RBFOX1: variants seen among roughly 807,000 people sequenced by gnomAD.
The protein encoded by RBFOX1 is RNA binding fox-1 homolog 1.
Under a neutral mutation model 57.7 loss-of-function variants are expected in RBFOX1, and 8 were observed. The ratio of observed to expected loss-of-function variants is 0.14; its 90% CI spans 0.08 to 0.25. The LOEUF is 0.25. Among genes scored for constraint, RBFOX1 ranks in the 10% least tolerant of loss-of-function variants. RBFOX1 has a pLI of 1.00. For missense variants in RBFOX1, 611 were observed against 548.5 expected, an observed-to-expected ratio of 1.11 and a Z score of -1.14; for synonymous variants, 326 against 222.4, an observed-to-expected ratio of 1.47 and a Z score of -4.15.
chr16:5,547,729 A>T (rs2045272681), intron 2 of RBFOX1, among the ~76,000 whole-genome samples: 2 of 152,204 alleles, frequency 1.3e-5, no homozygotes, highest in African/African-American at 4.8e-5. Context: ...AAAGCACAAA[A>T]ATCATGTCCT....
At chr16:7,538,169 C>G (rs1353362499) in intron 5 of RBFOX1, among the ~76,000 whole-genome samples, 1 of 152,088 alleles carries the variant, frequency 6.6e-6, no homozygotes, top group Non-Finnish European at 1.5e-5. Context: ...CGAGGACCTG[C>G]CAGAAGATCT....
intron 14 of RBFOX1, among the ~76,000 whole-genome samples, chr16:7,679,999 A>C (rs1408719945): frequency 1.3e-5 from 2 of 152,166 alleles, no homozygotes; most frequent in African/African-American, 4.8e-5. Flanking sequence ...ATTTATGCAA[A>C]GCCAACTGTC....
At chr16:7,400,032 C>A (rs2098214588) in intron 4 of RBFOX1, among the ~76,000 whole-genome samples, 1 of 152,076 alleles carries the variant, frequency 6.6e-6, no homozygotes, top group South Asian at 2.1e-4. Context: ...GGGATTATGG[C>A]CTTCTCTGAT....
intron 4 of RBFOX1, among the ~76,000 whole-genome samples, chr16:5,937,431 C>T (rs569908914): frequency 1.3e-5 from 2 of 152,066 alleles, no homozygotes; most frequent in South Asian, 4.1e-4. Flanking sequence ...TAGTGACACA[C>T]GTTTATTTCT....
rs527713495 is a variant in RBFOX1, at chr16:7,613,543, G to A, written c.676+6205G>A. Among the ~76,000 whole-genome samples the A allele has an allele frequency of 2.0e-5, 3 of 152,118 alleles. No homozygotes were observed. The East Asian group carries it at 5.8e-4, about 29-fold the overall frequency. On this transcript the variant is annotated intron_variant, in intron 10 of 15. Transcript: ENST00000550418. ...AAGTGGATTTGGATCTCAGTATGAA[G>A]TTTAAAAATGAAGAGGGTGGTTATA...
intron 2 of RBFOX1, among the ~76,000 whole-genome samples, chr16:6,588,922 A>G (rs55956846): frequency 3.9e-5 from 6 of 152,146 alleles, no homozygotes; most frequent in South Asian, 4.2e-4. Context: ...GTAACTGACA[A>G]ATTTCCCCAG....
At chr16:6,783,676 T>C (rs1489619899) in intron 3 of RBFOX1, among the ~76,000 whole-genome samples, 9 of 152,260 alleles carry the variant, frequency 5.9e-5, no homozygotes, top group Admixed American at 6.5e-5. Flanking sequence ...ATGAGGGCTT[T>C]ACATACAATT....
intron 1 of RBFOX1, among the ~76,000 whole-genome samples, chr16:6,184,792 C>A (rs1399044664): frequency 2.0e-5 from 3 of 151,372 alleles, no homozygotes; most frequent in African/African-American, 7.3e-5. Flanking sequence ...TGGCCTTGAT[C>A]TCTTGACCTC....
At chr16:7,417,272 C>G (rs1036247729) in intron 4 of RBFOX1, among the ~76,000 whole-genome samples, 2 of 150,408 alleles carry the variant, frequency 1.3e-5, no homozygotes, top group Non-Finnish European at 2.9e-5. Context: ...ACTTAGGAAA[C>G]TGAGACAGGG....
intron 3 of RBFOX1, among the ~76,000 whole-genome samples, chr16:6,897,460 C>G (rs996354471): frequency 6.6e-6 from 1 of 152,078 alleles, no homozygotes; most frequent in Admixed American, 6.5e-5. Flanking sequence ...CAGATTAAAA[C>G]GTGATGTGGC....
chr16:6,375,291 A>AAAAAAC (rs939296544), intron 2 of RBFOX1, among the ~76,000 whole-genome samples: 4 of 150,334 alleles, frequency 2.7e-5, no homozygotes, highest in Middle Eastern at 3.4e-3. Context: ...GAGTGGGGAA[A>AAAAAAC]AAAAACAAAA....
intron 3 of RBFOX1, among the ~76,000 whole-genome samples, chr16:6,779,833 ATATATTTATATATATATTTATATATATT>A (rs2080138168): frequency 1.5e-4 from 6 of 38,726 alleles, no homozygotes; most frequent in Non-Finnish European, 1.6e-4. Flanking sequence ...ATATATTTTT[ATATATTTATATATATATTTATATATATT>A]TATATATTTA....
At chr16:6,566,163 A>G (rs2097263004) in intron 2 of RBFOX1, among the ~76,000 whole-genome samples, 1 of 152,230 alleles carries the variant, frequency 6.6e-6, no homozygotes, top group South Asian at 2.1e-4. Context: ...GCCTAAGTCC[A>G]AGTAGGCAAG....
At chr16:5,335,709 A>G (rs903336035) in intron 1 of RBFOX1, among the ~76,000 whole-genome samples, 4 of 152,158 alleles carry the variant, frequency 2.6e-5, no homozygotes, top group African/African-American at 7.2e-5. Context: ...CCAGTAGATC[A>G]TAAGCTTTCT....
intron 3 of RBFOX1, among the ~76,000 whole-genome samples, chr16:6,750,643 C>T (rs1195184096): frequency 6.6e-6 from 1 of 152,138 alleles, no homozygotes; most frequent in East Asian, 1.9e-4. Flanking sequence ...GTTTAAAACA[C>T]CTGCAATTAT....
intron 3 of RBFOX1, among the ~76,000 whole-genome samples, chr16:6,719,462 A>G (rs1286817502): frequency 6.7e-6 from 1 of 150,132 alleles, no homozygotes; most frequent in Non-Finnish European, 1.5e-5. Context: ...TTTTTTTGAG[A>G]CAGAGTCTTG....
intron 3 of RBFOX1, among the ~76,000 whole-genome samples, chr16:6,934,875 C>A (rs1297792642): frequency 6.6e-6 from 1 of 152,032 alleles, no homozygotes; most frequent in Admixed American, 6.6e-5. Context: ...GACTTGAGCT[C>A]AGGAGTTTGA....
chr16:6,301,991 C>T (rs533826526), intron 1 of RBFOX1, among the ~76,000 whole-genome samples: 81 of 152,120 alleles, frequency 5.3e-4, no homozygotes, highest in African/African-American at 1.7e-3. Flanking sequence ...AATCAGAAAC[C>T]GAGCTTTGTT....
At chr16:6,643,040 G>C (rs1412863681) in intron 2 of RBFOX1, among the ~76,000 whole-genome samples, 1 of 152,160 alleles carries the variant, frequency 6.6e-6, no homozygotes, top group South Asian at 2.1e-4. Flanking sequence ...TTGCCCTGAA[G>C]CATCTCTGCC....
Sources: gnomAD v4.1 joint callset for allele counts (sites outside exome capture counted in the v4.1 genomes callset) on GRCh38, gnomAD v4.1.1 for gene constraint, MANE v1.5 for transcripts, NCBI Gene and HGNC (gene_info 2026-07-23, HGNC 2026-07-21) for gene names.